The following WWC1 variants were observed in gnomAD, a reference collection of about 807,000 sequenced individuals.
The protein encoded by WWC1 is WW and C2 domain containing 1.
In WWC1, 55 loss-of-function variants were observed where a neutral mutation model predicts 138.4. That is an observed-to-expected ratio of 0.40 (90% CI 0.32 to 0.50). The LOEUF (loss-of-function observed/expected upper bound fraction) is 0.50, where lower values mean the gene tolerates loss of function less well. WWC1 is among the 20% of genes least tolerant of loss of function. The probability of loss-of-function intolerance (pLI) is 0.72; values close to 1 mark genes in which losing one functional copy is unlikely to be tolerated. For synonymous variants in WWC1, 524 were observed against 564.9 expected (o/e 0.93, Z 1.03); for missense variants, 1,226 against 1,420.4 (o/e 0.86, Z 2.20).
intron 1 of WWC1, among the ~76,000 whole-genome samples, chr5:168,334,281 A>T (rs2152769778): frequency 6.6e-6 from 1 of 152,140 alleles, no homozygotes; most frequent in Middle Eastern, 3.4e-3. Flanking sequence ...GGCTCACAGG[A>T]CACTCAACAA....
chr5:168,421,316 G>T (rs1486155157), intron 9 of WWC1, among the ~76,000 whole-genome samples: 1 of 152,208 alleles, frequency 6.6e-6, no homozygotes, highest in Non-Finnish European at 1.5e-5. Context: ...GGTGGAGGCA[G>T]GGTACACACC....
intron 5 of WWC1, among the ~76,000 whole-genome samples, chr5:168,400,722 G>A (rs959522091): frequency 2.6e-5 from 4 of 152,168 alleles, no homozygotes; most frequent in African/African-American, 9.7e-5. Context: ...GCCAAGGTGA[G>A]AGGATTGCTT....
intron 1 of WWC1, among the ~76,000 whole-genome samples, chr5:168,295,668 A>G (rs1284824963): frequency 6.6e-6 from 1 of 152,148 alleles, no homozygotes; most frequent in Non-Finnish European, 1.5e-5. Context: ...TACCAACCCT[A>G]AAGAATGTCT....
chr5:168,427,712 G>C (rs554881967), intron 11 of WWC1, among the ~76,000 whole-genome samples: 5 of 150,698 alleles, frequency 3.3e-5, no homozygotes, highest in Non-Finnish European at 5.9e-5. Flanking sequence ...CCAACACTTT[G>C]GAAGGCCAAA....
chr5:168,345,955 G>T (rs1774431717), intron 1 of WWC1, among the ~76,000 whole-genome samples: 1 of 152,022 alleles, frequency 6.6e-6, no homozygotes, highest in Non-Finnish European at 1.5e-5. Context: ...TAAATTATTG[G>T]AGTCTCAGTC....
chr5:168,344,902 T>C (rs922277139), intron 1 of WWC1, among the ~76,000 whole-genome samples: 12 of 152,220 alleles, frequency 7.9e-5, no homozygotes, highest in Admixed American at 7.2e-4. Flanking sequence ...ACTGCAACCA[T>C]GCCCCAGTTC....
chr5:168,372,061 G>A (rs868762990), intron 2 of WWC1, among the ~76,000 whole-genome samples: 17 of 120,146 alleles, frequency 1.4e-4, no homozygotes, highest in African/African-American at 3.5e-4. Flanking sequence ...GTTTGTGTGT[G>A]TGTGTGTGTG....
intron 16 of WWC1, among the ~76,000 whole-genome samples, chr5:168,443,397 G>A (rs1475995571): frequency 1.3e-5 from 2 of 151,782 alleles, no homozygotes; most frequent in Non-Finnish European, 2.9e-5. Flanking sequence ...TTTATTATGT[G>A]CAGTTTACCA....
chr5:168,294,261 C>T (rs973236259), intron 1 of WWC1, among the ~76,000 whole-genome samples: 1 of 152,112 alleles, frequency 6.6e-6, no homozygotes, highest in South Asian at 2.1e-4. Context: ...GTTACATGGA[C>T]CACCTCCATG....
chr5:168,427,508 A>G (rs1582261062), intron 11 of WWC1, among the ~76,000 whole-genome samples: 1 of 144,084 alleles, frequency 6.9e-6, no homozygotes, highest in East Asian at 2.0e-4. Flanking sequence ...ACAAAATCAC[A>G]TGTGACTCCT....
chr5:168,399,618 C>T (rs1779161530), intron 5 of WWC1, 51 bp downstream of exon 5: 3 of 1,557,516 alleles, frequency 1.9e-6, no homozygotes, highest in East Asian at 2.2e-5. Flanking sequence ...CACCCTGGTT[C>T]CCCTCCTGTC....
intron 9 of WWC1, among the ~76,000 whole-genome samples, chr5:168,417,016 C>T (rs1582222259): frequency 6.6e-6 from 1 of 152,126 alleles, no homozygotes. Context: ...TACAAGTGTG[C>T]ACCACCACAC....
At chr5:168,355,249 T>A (rs1775303935) in intron 1 of WWC1, among the ~76,000 whole-genome samples, 1 of 151,210 alleles carries the variant, frequency 6.6e-6, no homozygotes, top group Non-Finnish European at 1.5e-5. Flanking sequence ...ATCCCAGCAC[T>A]TTGGGAGGCT....
intron 3 of WWC1, among the ~76,000 whole-genome samples, chr5:168,388,279 A>G (rs1778193679): frequency 6.8e-6 from 1 of 146,336 alleles, no homozygotes; most frequent in South Asian, 2.4e-4. Flanking sequence ...CTATAAGACA[A>G]TTAGACTAGG....
intron 1 of WWC1, among the ~76,000 whole-genome samples, chr5:168,317,682 C>T (rs890985580): frequency 3.3e-5 from 5 of 152,182 alleles, no homozygotes; most frequent in Non-Finnish European, 7.3e-5. Context: ...AGTCCTGCTC[C>T]TCAGTATTCC....
chr5:168,410,308 G>GGAGTA lies in WWC1; in HGVS notation c.941+313_941+314insGAGTA, dbSNP rs1205545805. The GGAGTA allele has an allele frequency of 1.5e-5, 5 of 331,408 alleles. No individual in the cohort carries two copies. In the East Asian group the frequency reaches 3.0e-4, roughly 20 times the overall value. The allele number at this position is 331,408 out of a possible 1,614,324, so 20.5% of individuals were successfully genotyped here. A position where few individuals can be genotyped will look rare whatever the true frequency, so the allele number is the denominator to read the frequency against. On this transcript the variant is annotated intron_variant, in intron 8 of 22. Coordinates refer to ENST00000265293, the MANE Select transcript of WWC1 (RefSeq NM_015238.3). Reference sequence around the variant, plus strand: ...CCGAGGCTTTCCCATGATCCTGTAAGCATTTTGGTTTGAAGGAGTACAACT... The same window carrying GGAGTA: ...CCGAGGCTTTCCCATGATCCTGTAAGGAGTACATTTTGGTTTGAAGGAGTACAACT...
chr5:168,323,608 A>G (rs892599166), intron 1 of WWC1, among the ~76,000 whole-genome samples: 3 of 152,312 alleles, frequency 2.0e-5, no homozygotes, highest in African/African-American at 7.2e-5. Context: ...TTGGAAAAAA[A>G]AAGTCAGGAC....
At position 168,424,079 on chromosome 5, in the gene WWC1, C is replaced by T. The variant is rs574277955; in HGVS notation, c.1810+11C>T. 43 of 1,573,556 alleles carry T rather than the reference C, an allele frequency of 2.7e-5. No individual in the cohort carries two copies. The highest frequency in any genetic ancestry group is 1.7e-4 in the Middle Eastern group (1 of 5,836). Reference sequence around the variant, plus strand: ...AGCAGCTGGGCCAAGGTAGAGAGCACCATACCCAGAGGGTGGGAACCAGGA... The same window carrying T: ...AGCAGCTGGGCCAAGGTAGAGAGCATCATACCCAGAGGGTGGGAACCAGGA... On this transcript the variant is annotated intron_variant, in intron 11 of 22. Coordinates refer to ENST00000265293, the MANE Select transcript of WWC1 (RefSeq NM_015238.3).
intron 1 of WWC1, among the ~76,000 whole-genome samples, chr5:168,340,013 CT>C (rs56293321): frequency 0.49 from 64,446 of 131,798 alleles, 17,094 homozygotes; most frequent in Non-Finnish European, 0.61. Context: ...CTCTTTCTTT[CT>C]TTTCTTTCTT....
Sources: gnomAD v4.1 joint callset for allele counts (sites outside exome capture counted in the v4.1 genomes callset) on GRCh38, gnomAD v4.1.1 for gene constraint, MANE v1.5 for transcripts, NCBI Gene and HGNC (gene_info 2026-07-23, HGNC 2026-07-21) for gene names.